PPP2R5E: variants seen among roughly 807,000 people sequenced by gnomAD.
PPP2R5E encodes protein phosphatase 2 regulatory subunit B'epsilon.
In PPP2R5E, 4 loss-of-function variants were observed where a neutral mutation model predicts 65.3. That is an observed-to-expected ratio of 0.06 (90% CI 0.03 to 0.14). The LOEUF (loss-of-function observed/expected upper bound fraction) is 0.14. PPP2R5E is among the 10% of genes least tolerant of loss of function. PPP2R5E has a pLI of 1.00. For missense variants in PPP2R5E, 274 were observed against 556.1 expected (o/e 0.49, Z 5.10); for synonymous variants, 183 against 187.4 (o/e 0.98, Z 0.19).
intron 2 of PPP2R5E, among the ~76,000 whole-genome samples, chr14:63,495,849 C>T (rs1891531781): frequency 6.6e-6 from 1 of 151,770 alleles, no homozygotes; most frequent in Non-Finnish European, 1.5e-5. Context: ...TACCACCTTG[C>T]CCAGCTAGTT....
intron 2 of PPP2R5E, among the ~76,000 whole-genome samples, chr14:63,486,385 A>G (rs1373604201): frequency 6.6e-6 from 1 of 151,964 alleles, no homozygotes; most frequent in African/African-American, 2.4e-5. Flanking sequence ...ACAAGTAGAA[A>G]CATTTGCACA....
chr14:63,506,208 T>C (rs755219781), intron 2 of PPP2R5E, among the ~76,000 whole-genome samples: 18 of 152,144 alleles, frequency 1.2e-4, no homozygotes, highest in Non-Finnish European at 2.2e-4. Flanking sequence ...CCTAGCACTT[T>C]GGGAGGCCGC....
chr14:63,430,420 T>TACAA (rs1566696809), intron 3 of PPP2R5E, among the ~76,000 whole-genome samples: 3 of 151,794 alleles, frequency 2.0e-5, no homozygotes. Flanking sequence ...CATACATACA[T>TACAA]GCATACATAC....
chr14:63,452,316 T>C lies in PPP2R5E; in HGVS notation c.354+1373A>G, dbSNP rs145318146. On this transcript the variant is annotated intron_variant, in intron 3 of 13. Transcript: ENST00000337537. ...ATCACATTAAGAGGTTTAGATAGCATGCAAACTCAAGAGCAAGGTTTCTCA... is the reference window on the plus strand; with the variant it reads ...ATCACATTAAGAGGTTTAGATAGCACGCAAACTCAAGAGCAAGGTTTCTCA... 1.6e-4 allele frequency: 24 copies of C among 152,342 alleles called. No individual in the cohort carries two copies. The East Asian group carries it at 4.4e-3, about 28-fold the overall frequency. 9.4% of individuals were successfully genotyped at this position (152,342 alleles called of 1,614,324 possible).
chr14:63,446,653 C>A (rs1566708555), intron 3 of PPP2R5E, among the ~76,000 whole-genome samples: 1 of 151,668 alleles, frequency 6.6e-6, no homozygotes, highest in Non-Finnish European at 1.5e-5. Context: ...CATGGTGAAA[C>A]CCCGTCTCTA....
intron 3 of PPP2R5E, among the ~76,000 whole-genome samples, chr14:63,429,360 T>C (rs555034743): frequency 6.6e-6 from 1 of 152,290 alleles, no homozygotes; most frequent in South Asian, 2.1e-4. Flanking sequence ...GGCTATAAAG[T>C]GAATTTTAAG....
intron 2 of PPP2R5E, among the ~76,000 whole-genome samples, chr14:63,492,932 C>A (rs1052614626): frequency 1.8e-4 from 27 of 152,130 alleles, no homozygotes; most frequent in African/African-American, 6.3e-4. Flanking sequence ...CCAGGCTTCA[C>A]TTTGTCAAGC....
rs1555353678 is a variant in PPP2R5E, at chr14:63,374,634, G to GATTATATATATAT, written c.*1374_*1375insATATATATATAAT. On this transcript the variant is annotated 3_prime_UTR_variant, in exon 14 of 14. Transcript: ENST00000337537. ...TAAATACAAAGCAGAGAGCCAATAA[G>GATTATATATATAT]ATATATATATATATATATATATATA... 211 of 109,530 alleles carry GATTATATATATAT rather than the reference G, an allele frequency of 1.9e-3. 8 individuals are homozygous for GATTATATATATAT. Among genetic ancestry groups the GATTATATATATAT allele is most frequent in the African/African-American group, 9.3e-3 (192 of 20,636 alleles). The allele number at this position is 109,530 out of a possible 1,614,324, so 6.8% of individuals were successfully genotyped here. A position where few individuals can be genotyped will look rare whatever the true frequency, so the allele number is the denominator to read the frequency against.
At position 63,543,046 on chromosome 14, in the gene PPP2R5E, A is replaced by C. The variant is rs1893973654; in HGVS notation, c.-275T>G. Reference sequence around the variant, plus strand: ...CGATCCTCCCCCGCGGGCCCGTCCCATCAAATCGGCACCGACCCCGTTGCG... The same window carrying C: ...CGATCCTCCCCCGCGGGCCCGTCCCCTCAAATCGGCACCGACCCCGTTGCG... On this transcript the variant is annotated 5_prime_UTR_variant, in exon 1 of 14. It removes an upstream start codon present in the reference 5' UTR. Transcript: ENST00000337537. 3 of 152,732 alleles carry C rather than the reference A, an allele frequency of 2.0e-5. No homozygotes were observed. The highest frequency in any genetic ancestry group is 2.9e-5 in the Non-Finnish European group (2 of 68,436). 9.5% of individuals were successfully genotyped at this position (152,732 alleles called of 1,614,324 possible).
intron 2 of PPP2R5E, among the ~76,000 whole-genome samples, chr14:63,528,422 T>C (rs1326817753): frequency 6.6e-6 from 1 of 152,190 alleles, no homozygotes; most frequent in African/African-American, 2.4e-5. Context: ...GTCTTAACTT[T>C]TGTGAAATGA....
At chr14:63,486,215 T>A (rs2139614943) in intron 2 of PPP2R5E, among the ~76,000 whole-genome samples, 1 of 151,658 alleles carries the variant, frequency 6.6e-6, no homozygotes, top group Non-Finnish European at 1.5e-5. Flanking sequence ...TTCTAGGTCC[T>A]CTTTTCCCAA....
intron 12 of PPP2R5E, among the ~76,000 whole-genome samples, 200 bp from the exon 13 acceptor site, chr14:63,382,357 G>A (rs1353827984): frequency 6.6e-6 from 1 of 151,986 alleles, no homozygotes; most frequent in Non-Finnish European, 1.5e-5. Flanking sequence ...AATTTTCTGA[G>A]GGGTGGTAGA....
chr14:63,408,283 T>C (rs900281566), intron 5 of PPP2R5E, among the ~76,000 whole-genome samples: 2 of 152,242 alleles, frequency 1.3e-5, no homozygotes, highest in Non-Finnish European at 2.9e-5. Flanking sequence ...TGTACATATC[T>C]GATTATTTCT....
chr14:63,528,216 A>C (rs1407027828), intron 2 of PPP2R5E, among the ~76,000 whole-genome samples: 1 of 152,198 alleles, frequency 6.6e-6, no homozygotes, highest in Non-Finnish European at 1.5e-5. Context: ...ACAAAATCTA[A>C]TTACTATTAT....
intron 8 of PPP2R5E, among the ~76,000 whole-genome samples, chr14:63,393,580 C>G (rs376556047): frequency 1.3e-5 from 2 of 152,082 alleles, no homozygotes; most frequent in East Asian, 3.9e-4. Context: ...GGCATGGTGG[C>G]GTGCGCTTGT....
At chr14:63,428,217 A>T (rs909328778) in intron 3 of PPP2R5E, among the ~76,000 whole-genome samples, 5 of 152,052 alleles carry the variant, frequency 3.3e-5, no homozygotes, top group Admixed American at 3.3e-4. Flanking sequence ...TCTTCCTCAC[A>T]TCCCTTCTTT....
intron 5 of PPP2R5E, among the ~76,000 whole-genome samples, chr14:63,411,598 G>A (rs1324925019): frequency 6.9e-6 from 1 of 145,518 alleles, no homozygotes; most frequent in Non-Finnish European, 1.5e-5. Context: ...ATGGCTTGGT[G>A]CTGTCCTTGA....
intron 4 of PPP2R5E, among the ~76,000 whole-genome samples, chr14:63,418,990 G>A (rs1341237076): frequency 6.6e-6 from 1 of 151,956 alleles, no homozygotes; most frequent in African/African-American, 2.4e-5. Context: ...GGGATTACAG[G>A]CGTGTGCTGC....
chr14:63,427,773 A>G (rs2139908180), intron 3 of PPP2R5E, among the ~76,000 whole-genome samples: 5 of 152,242 alleles, frequency 3.3e-5, no homozygotes, highest in African/African-American at 1.2e-4. Context: ...TCCACTAACG[A>G]GCTTTTAGAA....
Sources: allele counts gnomAD v4.1 joint callset (sites outside exome capture counted in the v4.1 genomes callset), GRCh38; gene constraint gnomAD v4.1.1; transcripts MANE v1.5; gene names NCBI Gene and HGNC (gene_info 2026-07-23, HGNC 2026-07-21).